Variants in TTC7B observed in about 807,000 individuals in gnomAD.
TTC7B encodes tetratricopeptide repeat domain 7B.
Under a neutral mutation model 106.8 loss-of-function variants are expected in TTC7B, and 28 were observed. The ratio of observed to expected loss-of-function variants is 0.26; its 90% CI spans 0.19 to 0.36. The LOEUF (loss-of-function observed/expected upper bound fraction) is 0.36, where lower values mean the gene tolerates loss of function less well. Ranked by LOEUF, TTC7B falls within the 10% of genes least tolerant of loss-of-function variation. TTC7B has a pLI of 1.00. For synonymous variants in TTC7B, 405 were observed against 430.6 expected (o/e 0.94, Z 0.74); for missense variants, 862 against 1,076.4 (o/e 0.80, Z 2.79).
intron 17 of TTC7B, among the ~76,000 whole-genome samples, chr14:90,604,909 C>T (rs1402741742): frequency 6.6e-6 from 1 of 152,176 alleles, no homozygotes; most frequent in Non-Finnish European, 1.5e-5. Flanking sequence ...AATTTCTCTG[C>T]ATAGTTTCAC....
At chr14:90,644,284 CG>C in intron 14 of TTC7B, 76 bp from the exon 15 acceptor site, 8 of 1,072,702 alleles carry the variant, frequency 7.5e-6, no homozygotes, top group Non-Finnish European at 1.0e-5. Context: ...CACACACGCG[CG>C]AAAGAAGCCA....
intron 1 of TTC7B, 61 bp downstream of exon 1, chr14:90,816,114 G>T: frequency 1.0e-6 from 1 of 993,196 alleles, no homozygotes; most frequent in Non-Finnish European, 1.2e-6. Flanking sequence ...CGCCTCGGGG[G>T]CCCGTTCCCG....
intron 5 of TTC7B, among the ~76,000 whole-genome samples, chr14:90,708,977 C>T (rs1028687016): frequency 6.6e-6 from 1 of 150,954 alleles, no homozygotes; most frequent in Non-Finnish European, 1.5e-5. Context: ...AAATCAAAAC[C>T]ACAATGAGAT....
intron 16 of TTC7B, among the ~76,000 whole-genome samples, chr14:90,613,469 C>A (rs950107266): frequency 2.6e-5 from 4 of 152,156 alleles, no homozygotes; most frequent in Admixed American, 6.5e-5. Flanking sequence ...ATTTTTAGTT[C>A]TTCATTTACA....
rs944714269 is a variant in TTC7B, at chr14:90,712,326, G to C, written c.699-16748C>G. The stretch of plus-strand genomic sequence containing the variant: ...GCAATAAATAGAAATAAAAGGGATC[G>C]AGATTGAACAGAAAAAAGTAAAATT... On this transcript the variant is annotated intron_variant, in intron 5 of 19. Coordinates refer to ENST00000328459, the MANE Select transcript of TTC7B (RefSeq NM_001010854.2). Among the ~76,000 whole-genome samples, 4 of 152,154 alleles carry C rather than the reference G, an allele frequency of 2.6e-5. 1 individual carries two copies. The highest frequency in any genetic ancestry group is 5.9e-5 in the Non-Finnish European group (4 of 68,032).
intron 17 of TTC7B, among the ~76,000 whole-genome samples, chr14:90,609,838 T>A (rs574395737): frequency 1.3e-5 from 2 of 152,306 alleles, no homozygotes; most frequent in African/African-American, 2.4e-5. Context: ...GGGTTGAGCA[T>A]CCCTAATCTG....
At chr14:90,556,256 T>C (rs1890302101) in intron 19 of TTC7B, among the ~76,000 whole-genome samples, 1 of 152,132 alleles carries the variant, frequency 6.6e-6, no homozygotes, top group Non-Finnish European at 1.5e-5. Context: ...GCATCCCCCC[T>C]ACCCTGAAGC....
In TTC7B at chr14:90,608,347, T is replaced by C. The variant is rs1892732823; in HGVS notation, c.1966+2395A>G. The stretch of plus-strand genomic sequence containing the variant: ...ATTCCCTGGTCTCTTGGTTAAATTG[T>C]CGGCGTGCAAATCAGTATTTTGCAG... On this transcript the variant is annotated intron_variant, in intron 17 of 19. Transcript: ENST00000328459. This position sits in a 1 kb window ranked among gnomAD's most constrained non-coding sequence, Gnocchi z 5.1. Among the ~76,000 whole-genome samples the C allele has an allele frequency of 6.6e-6, 1 of 152,202 alleles. No individual in the cohort carries two copies.
chr14:90,585,426 C>T (rs1234155239), intron 18 of TTC7B, among the ~76,000 whole-genome samples: 1 of 152,176 alleles, frequency 6.6e-6, no homozygotes, highest in African/African-American at 2.4e-5. Flanking sequence ...AAGTGGACCC[C>T]GAGCCTCTTC....
intron 6 of TTC7B, among the ~76,000 whole-genome samples, chr14:90,692,360 C>A (rs763565564): frequency 6.6e-6 from 1 of 152,114 alleles, no homozygotes; most frequent in Non-Finnish European, 1.5e-5. Context: ...ACTTTCAAAT[C>A]CTTCTCTGCT....
chr14:90,778,347 G>T (rs55876235), intron 3 of TTC7B, among the ~76,000 whole-genome samples: 35,990 of 152,106 alleles, frequency 0.24, 5,130 homozygotes, highest in East Asian at 0.39. Context: ...TGTCCTCCTT[G>T]CCCACCTTTC....
chr14:90,736,433 G>A (rs1053793958), intron 4 of TTC7B, among the ~76,000 whole-genome samples: 2 of 152,018 alleles, frequency 1.3e-5, no homozygotes, highest in South Asian at 2.1e-4. Flanking sequence ...ATAACTGGGC[G>A]TAGTGGTGGG....
At chr14:90,677,465 A>T (rs548763867) in intron 8 of TTC7B, among the ~76,000 whole-genome samples, 46 of 152,312 alleles carry the variant, frequency 3.0e-4, no homozygotes, top group Admixed American at 9.1e-4. Context: ...TTCTCTACAG[A>T]TTCCTCCAAA....
At chr14:90,693,417 T>G (rs1244945175) in intron 6 of TTC7B, among the ~76,000 whole-genome samples, 3 of 152,214 alleles carry the variant, frequency 2.0e-5, no homozygotes, top group Non-Finnish European at 2.9e-5. Flanking sequence ...CCAAGTTTTA[T>G]AGTCAATATA....
At chr14:90,630,465 C>T (rs11627815) in intron 15 of TTC7B, among the ~76,000 whole-genome samples, 32,516 of 152,158 alleles carry the variant, frequency 0.21, 4,275 homozygotes, top group Admixed American at 0.29. Context: ...CAGAAAGTTT[C>T]GTTTCTTTAA....
intron 9 of TTC7B, among the ~76,000 whole-genome samples, chr14:90,666,566 A>T (rs912160085): frequency 6.6e-5 from 10 of 152,154 alleles, no homozygotes; most frequent in African/African-American, 2.4e-4. Context: ...TATTTATGGG[A>T]CTCTCAGCTA....
intron 3 of TTC7B, among the ~76,000 whole-genome samples, chr14:90,756,954 G>A (rs556348373): frequency 1.3e-5 from 2 of 152,154 alleles, no homozygotes; most frequent in Non-Finnish European, 2.9e-5. Flanking sequence ...AATATAAACA[G>A]GAAGCTTTGA....
intron 3 of TTC7B, among the ~76,000 whole-genome samples, chr14:90,779,333 C>T (rs992145981): frequency 2.6e-5 from 4 of 152,124 alleles, no homozygotes; most frequent in African/African-American, 9.7e-5. Context: ...GATGGAGTCT[C>T]GCTCTTGTCG....
chr14:90,656,485 A>G (rs1489174422), intron 11 of TTC7B, among the ~76,000 whole-genome samples: 1 of 152,232 alleles, frequency 6.6e-6, no homozygotes, highest in Non-Finnish European at 1.5e-5. Flanking sequence ...CTGAACAAGA[A>G]TATTTGAAGA....
Sources: allele counts gnomAD v4.1 joint callset (sites outside exome capture counted in the v4.1 genomes callset), GRCh38; gene constraint gnomAD v4.1.1; non-coding constraint Gnocchi (gnomAD v3.1); transcripts MANE v1.5; gene names NCBI Gene and HGNC (gene_info 2026-07-23, HGNC 2026-07-21).